The following RCAN2 variants were observed in gnomAD, a reference collection of about 807,000 sequenced individuals.
RCAN2 encodes regulator of calcineurin 2.
In RCAN2, 9 loss-of-function variants were observed where a neutral mutation model predicts 23.6. The ratio of observed to expected loss-of-function variants is 0.38; its 90% confidence interval spans 0.23 to 0.67. RCAN2 has a LOEUF of 0.67. Ranked by LOEUF, RCAN2 falls within the 30% of genes least tolerant of loss-of-function variation. The pLI is 0.51. For synonymous variants in RCAN2, 109 were observed against 115.7 expected, an observed-to-expected ratio of 0.94 and a Z score of 0.37; for missense variants, 273 against 302.3, an observed-to-expected ratio of 0.90 and a Z score of 0.72.
At chr6:46,376,807 A>C (rs868062477) in intron 2 of RCAN2, among the ~76,000 whole-genome samples, 148 of 152,096 alleles carry the variant, frequency 9.7e-4, no homozygotes, top group African/African-American at 3.2e-3. Flanking sequence ...GAAAGGAGGA[A>C]GTGGGCTACA....
At chr6:46,445,748 GA>G (rs1767686326) in intron 2 of RCAN2, among the ~76,000 whole-genome samples, 1 of 152,076 alleles carries the variant, frequency 6.6e-6, no homozygotes, top group Non-Finnish European at 1.5e-5. Flanking sequence ...AAAAATTCTA[GA>G]GCTGAAATAT....
intron 2 of RCAN2, among the ~76,000 whole-genome samples, chr6:46,296,066 C>CGTGTGTGTGTGT (rs60947209): frequency 6.5e-5 from 9 of 138,534 alleles, no homozygotes; most frequent in African/African-American, 1.3e-4. Context: ...CCAATAGCTT[C>CGTGTGTGTGTGT]GTGTGTGTGT....
intron 2 of RCAN2, among the ~76,000 whole-genome samples, chr6:46,297,509 C>A (rs1762761285): frequency 6.6e-6 from 1 of 151,958 alleles, no homozygotes. Context: ...GAATAGACAC[C>A]CCCCGCTTTG....
At chr6:46,333,158 T>TTG (rs1764038411) in intron 2 of RCAN2, among the ~76,000 whole-genome samples, 1 of 152,072 alleles carries the variant, frequency 6.6e-6, no homozygotes, top group African/African-American at 2.4e-5. Context: ...ATGGGGTTGT[T>TTG]TTTTTTTCTT....
intron 2 of RCAN2, among the ~76,000 whole-genome samples, chr6:46,381,829 G>C (rs1205647825): frequency 6.6e-6 from 1 of 152,046 alleles, no homozygotes. Flanking sequence ...AATCTTATCT[G>C]GTAAAGCCAG....
chr6:46,305,163 C>T lies in RCAN2; in HGVS notation c.226-56267G>A, dbSNP rs540052334. 1.4e-4 allele frequency among the ~76,000 whole-genome samples: 21 copies of T among 152,162 alleles called. No individual in the cohort carries two copies. In the South Asian group the frequency reaches 2.7e-3, roughly 20 times the overall value. ...TGGCTCCTTCCATGCTAGACTTCTC[C>T]GCGGACACAAAGGCAGGCACCCCAA... is the stretch of plus-strand genomic sequence containing the variant. On this transcript the variant is annotated intron_variant, in intron 2 of 4. Transcript: ENST00000371374.
intron 2 of RCAN2, among the ~76,000 whole-genome samples, chr6:46,270,571 T>G (rs930557280): frequency 1.2e-4 from 18 of 152,236 alleles, no homozygotes. Context: ...ATCCTGCTAT[T>G]CATGCCCTTA....
intron 2 of RCAN2, among the ~76,000 whole-genome samples, chr6:46,401,756 G>C (rs1766253385): frequency 6.6e-6 from 1 of 152,152 alleles, no homozygotes; most frequent in Admixed American, 6.6e-5. Context: ...CTAAACCATA[G>C]ATATAGTAAT....
In RCAN2 at chr6:46,389,617, G is replaced by GC. The variant is rs201114147; in HGVS notation, c.225+67134_225+67135insG. ...AGTACTTTGCTGATGCACAATAAAT[G>GC]TTTGTCAGACTATTATATAGGTGTT... On this transcript the variant is annotated intron_variant, in intron 2 of 4. Transcript: ENST00000371374. Among the ~76,000 whole-genome samples the GC allele has an allele frequency of 5.0e-3, 760 of 152,316 alleles. 6 individuals are homozygous for GC. The highest frequency in any genetic ancestry group is 0.017 in the African/African-American group (725 of 41,560).
chr6:46,333,180 T>G (rs1413577627), intron 2 of RCAN2, among the ~76,000 whole-genome samples: 1 of 152,168 alleles, frequency 6.6e-6, no homozygotes, highest in Non-Finnish European at 1.5e-5. Flanking sequence ...TAAATTTGTT[T>G]AAGTTCATTG....
chr6:46,424,341 G>T (rs1393054000), intron 2 of RCAN2, among the ~76,000 whole-genome samples: 1 of 152,132 alleles, frequency 6.6e-6, no homozygotes, highest in Non-Finnish European at 1.5e-5. Flanking sequence ...CAGCAAGCAA[G>T]TAGAACTGGG....
In RCAN2 at chr6:46,230,510, G is replaced by A. The variant is rs146587284; in HGVS notation, c.572-7209C>T. ...CTCCTCACAGCCTCCCTGCCACCTT[G>A]CAGTTTGATCTCAGACTGCTGTGCT... On this transcript the variant is annotated intron_variant, in intron 4 of 4. Transcript: ENST00000371374. Among the ~76,000 whole-genome samples, 141 of 152,288 alleles carry A rather than the reference G, an allele frequency of 9.3e-4. 2 individuals are homozygous for A. In the East Asian group the frequency reaches 0.027, roughly 29 times the overall value.
chr6:46,374,943 G>A (rs1257180687), intron 2 of RCAN2, among the ~76,000 whole-genome samples: 3 of 152,024 alleles, frequency 2.0e-5, no homozygotes, highest in South Asian at 2.1e-4. Flanking sequence ...GTCTTGCTCC[G>A]TCGCCCAAGC....
intron 2 of RCAN2, among the ~76,000 whole-genome samples, chr6:46,306,590 A>G (rs957888405): frequency 6.6e-6 from 1 of 152,142 alleles, no homozygotes; most frequent in Admixed American, 6.6e-5. Context: ...GTAAACTGTT[A>G]TATTAACATT....
chr6:46,316,107 G>A (rs1001927204), intron 2 of RCAN2, among the ~76,000 whole-genome samples: 3 of 152,162 alleles, frequency 2.0e-5, no homozygotes, highest in Non-Finnish European at 4.4e-5. Context: ...GTGCAAAGAT[G>A]AGTTGAAAAC....
intron 2 of RCAN2, among the ~76,000 whole-genome samples, chr6:46,370,026 C>T (rs192308640): frequency 4.0e-4 from 61 of 152,210 alleles, no homozygotes; most frequent in South Asian, 1.7e-3. Flanking sequence ...AACAGTCTAA[C>T]GGCACAGGGG....
chr6:46,342,249 CA>C (rs1269361222), intron 2 of RCAN2, among the ~76,000 whole-genome samples: 2 of 152,124 alleles, frequency 1.3e-5, no homozygotes, highest in Non-Finnish European at 2.9e-5. Flanking sequence ...AAAAGAGTAT[CA>C]GGGCAAATGC....
At chr6:46,475,747 A>G (rs1361705068) in intron 1 of RCAN2, among the ~76,000 whole-genome samples, 1 of 152,176 alleles carries the variant, frequency 6.6e-6, no homozygotes, top group African/African-American at 2.4e-5. Flanking sequence ...TCTATGATCT[A>G]ATACTGGAAG....
intron 1 of RCAN2, among the ~76,000 whole-genome samples, chr6:46,484,193 T>C (rs375367290): frequency 6.6e-6 from 1 of 152,296 alleles, no homozygotes; most frequent in African/African-American, 2.4e-5. Flanking sequence ...CTCAATAAAT[T>C]GGTCAATATA....
Sources: gnomAD v4.1 joint callset for allele counts (sites outside exome capture counted in the v4.1 genomes callset) on GRCh38, gnomAD v4.1.1 for gene constraint, MANE v1.5 for transcripts, NCBI Gene and HGNC (gene_info 2026-07-23, HGNC 2026-07-21) for gene names.